Variants in ZNF146 observed in about 807,000 individuals in gnomAD.
ZNF146 encodes zinc finger protein 146, also known as zinc finger protein OZF.
In ZNF146, 9 loss-of-function variants were observed where a neutral mutation model predicts 22.2. The ratio of observed to expected loss-of-function variants is 0.41; its 90% CI spans 0.24 to 0.71. The LOEUF (loss-of-function observed/expected upper bound fraction) is 0.71. Ranked by LOEUF, ZNF146 falls within the 30% of genes least tolerant of loss-of-function variation. The probability of loss-of-function intolerance (pLI) is 0.34; values close to 1 mark genes in which losing one functional copy is unlikely to be tolerated. For missense variants in ZNF146, 194 were observed against 344.8 expected, an observed-to-expected ratio of 0.56 and a Z score of 3.46; for synonymous variants, 108 against 119.2, an observed-to-expected ratio of 0.91 and a Z score of 0.61.
At position 36,236,689 on chromosome 19, in the gene ZNF146, G is replaced by A; in HGVS notation, c.249G>A (p.Gln83=). 1.2e-6 allele frequency: 2 copies of A among 1,614,198 alleles called. No individual in the cohort carries two copies. Among genetic ancestry groups the A allele is most frequent in the Non-Finnish European group, 1.7e-6 (2 of 1,180,032 alleles). The change falls in exon 4 of 4, where the codon CAG becomes CAA. Residue 83 remains glutamine, a synonymous_variant. Transcript: ENST00000443387. ...ECNECGKSFS[Q]KENLLTHQKI... ...ATGAATGTGGAAAATCATTTAGCCA[G>A]AAGGAAAACCTCCTTACGCACCAGA... is the stretch of plus-strand genomic sequence containing the variant.
chr19:36,223,352 A>C (rs1331746600), intron 2 of ZNF146, among the ~76,000 whole-genome samples: 1 of 151,886 alleles, frequency 6.6e-6, no homozygotes, highest in Admixed American at 6.6e-5. Flanking sequence ...CAAAAAAAAA[A>C]AAAAATCTAG....
At position 36,238,084 on chromosome 19, in the gene ZNF146, A is replaced by G. The variant is rs1384877821; in HGVS notation, c.*765A>G. 1.2e-5 allele frequency: 2 copies of G among 167,108 alleles called. No homozygotes were observed. The highest frequency in any genetic ancestry group is 4.8e-5 in the African/African-American group (2 of 41,470). 10.4% of individuals were successfully genotyped at this position (167,108 alleles called of 1,614,324 possible). A position where few individuals can be genotyped will look rare whatever the true frequency, so the allele number is the denominator to read the frequency against. On this transcript the variant is annotated 3_prime_UTR_variant, in exon 4 of 4. Coordinates refer to ENST00000443387, the MANE Select transcript of ZNF146 (RefSeq NM_007145.3). ...GATTTGTAGTAGCCAAAAATTAGAAACAACTGAGAAAGCCCATCACGAACA... is the reference window on the plus strand; with the variant it reads ...GATTTGTAGTAGCCAAAAATTAGAAGCAACTGAGAAAGCCCATCACGAACA...
chr19:36,227,403 A>G (rs939207907), intron 2 of ZNF146, among the ~76,000 whole-genome samples: 13 of 151,254 alleles, frequency 8.6e-5, no homozygotes, highest in African/African-American at 3.2e-4. Context: ...AAAAAAAAAA[A>G]AGATTTTTTT....
intron 2 of ZNF146, among the ~76,000 whole-genome samples, chr19:36,225,599 T>TACC (rs990762951): frequency 2.6e-5 from 4 of 151,880 alleles, no homozygotes; most frequent in Non-Finnish European, 2.9e-5. Context: ...TACAGGTGCA[T>TACC]ACCACCATAC....
Position 36,236,158 on chromosome 19 carries a change from C to T in ZNF146, c.-283C>T. On this transcript the variant is annotated 5_prime_UTR_variant, in exon 4 of 4. Transcript: ENST00000443387. Reference sequence around the variant, plus strand: ...GACAAGCCCTTAGCTAGATGACAATCTCATTGAGAAGCAGAAAATTCATGC... The same window carrying T: ...GACAAGCCCTTAGCTAGATGACAATTTCATTGAGAAGCAGAAAATTCATGC... The T allele has an allele frequency of 2.9e-6, 1 of 344,588 alleles. No individual in the cohort carries two copies. Among genetic ancestry groups the T allele is most frequent in the Non-Finnish European group, 5.2e-6 (1 of 190,740 alleles). The allele number at this position is 344,588 out of a possible 1,614,324, so 21.3% of individuals were successfully genotyped here.
At chr19:36,227,406 A>ATT (rs1231638601) in intron 2 of ZNF146, among the ~76,000 whole-genome samples, 1 of 139,584 alleles carries the variant, frequency 7.2e-6, no homozygotes, top group African/African-American at 2.6e-5. Context: ...AAAAAAAAAG[A>ATT]TTTTTTTTTT....
At position 36,231,302 on chromosome 19, in the gene ZNF146, C is replaced by A. The variant is rs376815656; in HGVS notation, c.-783+2483C>A. 4.0e-3 allele frequency among the ~76,000 whole-genome samples: 605 copies of A among 152,196 alleles called. 7 individuals are homozygous for A. Among genetic ancestry groups the A allele is most frequent in the African/African-American group, 0.014 (586 of 41,516 alleles). On this transcript the variant is annotated intron_variant, in intron 3 of 3. Coordinates refer to ENST00000443387, the MANE Select transcript of ZNF146 (RefSeq NM_007145.3). Reference sequence around the variant, plus strand: ...GTGGCTCACCGCAGCCTCTGCCTCCCGGGTTCAAGTGATTCTCCTGCCTCA... The same window carrying A: ...GTGGCTCACCGCAGCCTCTGCCTCCAGGGTTCAAGTGATTCTCCTGCCTCA...
Position 36,238,320 on chromosome 19 carries a change from A to G in ZNF146, c.*1001A>G, listed in dbSNP as rs140084837. 268 of 167,240 alleles carry G rather than the reference A, an allele frequency of 1.6e-3. 1 individual carries two copies. Among genetic ancestry groups the G allele is most frequent in the Admixed American group, 2.8e-3 (43 of 15,306 alleles). The allele number at this position is 167,240 out of a possible 1,614,324, so 10.4% of individuals were successfully genotyped here. ...GTAATGGATGCATATATGTATGTAC[A>G]TGTTTTTGAAACGGATTGGAAGGAT... On this transcript the variant is annotated 3_prime_UTR_variant, in exon 4 of 4. Transcript: ENST00000443387.
Position 36,238,203 on chromosome 19 carries a change from G to A in ZNF146, c.*884G>A, listed in dbSNP as rs1418791640. On this transcript the variant is annotated 3_prime_UTR_variant, in exon 4 of 4. Coordinates refer to ENST00000443387, the MANE Select transcript of ZNF146 (RefSeq NM_007145.3). ...AGAAAGATCCCAGAATTGTTGAGGG[G>A]GGATCAAGTTGCAGAATGATACAGA... is the stretch of plus-strand genomic sequence containing the variant. The A allele has an allele frequency of 6.0e-6, 1 of 167,042 alleles. No homozygotes were observed. Among genetic ancestry groups the A allele is most frequent in the Non-Finnish European group, 1.5e-5 (1 of 68,120 alleles). The allele number at this position is 167,042 out of a possible 1,614,324, so 10.3% of individuals were successfully genotyped here. A position where few individuals can be genotyped will look rare whatever the true frequency, so the allele number is the denominator to read the frequency against.
chr19:36,220,337 TCTTAGCTCCTAG>T (rs1568429066), intron 2 of ZNF146, among the ~76,000 whole-genome samples: 1 of 115,296 alleles, frequency 8.7e-6, no homozygotes. Flanking sequence ...TTACCTAATT[TCTTAGCTCCTAG>T]TTCTTTTTTT....
At chr19:36,230,850 G>A (rs898755745) in intron 3 of ZNF146, among the ~76,000 whole-genome samples, 4 of 152,120 alleles carry the variant, frequency 2.6e-5, no homozygotes, top group Non-Finnish European at 5.9e-5. Context: ...CACCCAGGCT[G>A]GAGTACAGTG....
At position 36,236,491 on chromosome 19, in the gene ZNF146, C is replaced by G. The variant is rs773993026; in HGVS notation, c.51C>G (p.Ala17=). The stretch of plus-strand genomic sequence containing the variant: ...TTTACAGTGGGGAAAACCCCTTTGC[C>G]TGTAAGGTATGTGGAAAAGTCTTCA... ...QRIYSGENPF[A]CKVCGKVFSH... is the part of the protein sequence containing the mutation. Residue 17 remains alanine (A), a synonymous_variant, in exon 4 of 4, where the codon GCC becomes GCG. Transcript: ENST00000443387. 6.2e-6 allele frequency: 10 copies of G among 1,613,962 alleles called. 1 individual carries two copies. In the Admixed American group the frequency reaches 1.5e-4, roughly 24 times the overall value.
intron 3 of ZNF146, among the ~76,000 whole-genome samples, chr19:36,233,464 C>T (rs2972542): frequency 6.6e-6 from 1 of 151,744 alleles, no homozygotes; most frequent in Non-Finnish European, 1.5e-5. Flanking sequence ...AAAAATGGGC[C>T]CAGGGGACCG....
chr19:36,219,652 T>G (rs1275315318), intron 2 of ZNF146, among the ~76,000 whole-genome samples: 1 of 152,236 alleles, frequency 6.6e-6, no homozygotes, highest in Non-Finnish European at 1.5e-5. Context: ...TTATGTTTAC[T>G]TTGGTTCATT....
chr19:36,227,518 G>A (rs574987786), intron 2 of ZNF146, among the ~76,000 whole-genome samples: 2 of 152,022 alleles, frequency 1.3e-5, no homozygotes, highest in African/African-American at 2.4e-5. Flanking sequence ...TGAGAAGCTG[G>A]TACTGCATGT....
chr19:36,234,939 C>T (rs1977582914), intron 3 of ZNF146, among the ~76,000 whole-genome samples: 1 of 151,972 alleles, frequency 6.6e-6, no homozygotes, highest in Admixed American at 6.6e-5. Context: ...TTTCAGCCAC[C>T]ATCCTTTATT....
In ZNF146 at chr19:36,236,209, A is replaced by G. The variant is rs994560719; in HGVS notation, c.-232A>G. 7 of 467,834 alleles carry G rather than the reference A, an allele frequency of 1.5e-5. No homozygotes were observed. The highest frequency in any genetic ancestry group is 2.0e-5 in the African/African-American group (1 of 49,768). 29.0% of individuals were successfully genotyped at this position (467,834 alleles called of 1,614,324 possible). A position where few individuals can be genotyped will look rare whatever the true frequency, so the allele number is the denominator to read the frequency against. On this transcript the variant is annotated 5_prime_UTR_variant, in exon 4 of 4. Coordinates refer to ENST00000443387, the MANE Select transcript of ZNF146 (RefSeq NM_007145.3). ...TGGAGAGAAACTAGTGAAGGTAGCAATACTTCATTGAATATTAGAAAATTT... is the reference window on the plus strand; with the variant it reads ...TGGAGAGAAACTAGTGAAGGTAGCAGTACTTCATTGAATATTAGAAAATTT...
intron 2 of ZNF146, among the ~76,000 whole-genome samples, chr19:36,226,598 A>G (rs1300233267): frequency 1.3e-5 from 2 of 152,190 alleles, no homozygotes; most frequent in African/African-American, 2.4e-5. Flanking sequence ...ACGATTTGAA[A>G]CCAGTTGTGG....
intron 1 of ZNF146, among the ~76,000 whole-genome samples, chr19:36,217,059 T>C (rs1269716865): frequency 8.0e-6 from 1 of 124,860 alleles, no homozygotes; most frequent in East Asian, 2.3e-4. Flanking sequence ...CCCTGTCTTT[T>C]TTTTTTTTTT....
Sources: allele counts gnomAD v4.1 joint callset (sites outside exome capture counted in the v4.1 genomes callset), GRCh38; gene constraint gnomAD v4.1.1; transcripts MANE v1.5; gene names NCBI Gene and HGNC (gene_info 2026-07-23, HGNC 2026-07-21).